The following GRM5 variants were observed in gnomAD, a reference collection of about 807,000 sequenced individuals.
The protein encoded by GRM5 is metabotropic glutamate receptor 5.
In GRM5, 19 loss-of-function variants were observed where a neutral mutation model predicts 83.1. The observed-to-expected ratio is 0.23, with a 90% CI of 0.16 to 0.34. GRM5 has a LOEUF of 0.34. Among genes scored for constraint, GRM5 ranks in the 10% least tolerant of loss-of-function variants. The pLI is 1.00. For missense variants in GRM5, 1,160 were observed against 1,588.3 expected, an observed-to-expected ratio of 0.73 and a Z score of 4.58; for synonymous variants, 675 against 633.6, an observed-to-expected ratio of 1.07 and a Z score of -0.98.
intron 2 of GRM5, among the ~76,000 whole-genome samples, chr11:89,037,695 A>G (rs1306254640): frequency 6.6e-6 from 1 of 152,124 alleles, no homozygotes; most frequent in African/African-American, 2.4e-5. Context: ...ATTTCCTACC[A>G]TGGGTGCCTT....
rs113083775 is a variant in GRM5 at position 88,548,102 on chromosome 11, C to T, written c.2630+18951G>A. Among the ~76,000 whole-genome samples, 340 of 152,242 alleles carry T rather than the reference C, an allele frequency of 2.2e-3. 4 individuals carry two copies. The highest frequency in any genetic ancestry group is 7.8e-3 in the African/African-American group (324 of 41,544). ...CCAAAGGGCTAGAGAAAAGGATATT[C>T]CTATCTTTTTCTTGTTTAATTTCTT... On this transcript the variant is annotated intron_variant, in intron 8 of 9. Coordinates refer to ENST00000305447, the MANE Select transcript of GRM5 (RefSeq NM_001143831.3).
intron 9 of GRM5, among the ~76,000 whole-genome samples, chr11:88,514,117 C>T (rs754218729): frequency 6.6e-6 from 1 of 152,106 alleles, no homozygotes; most frequent in African/African-American, 2.4e-5. Flanking sequence ...TCTGCCACAT[C>T]TGAGGAGGGG....
intron 5 of GRM5, among the ~76,000 whole-genome samples, chr11:88,603,542 G>A (rs971179735): frequency 2.0e-5 from 3 of 151,990 alleles, no homozygotes; most frequent in African/African-American, 4.8e-5. Context: ...ATGGATATAC[G>A]TAAGAGCCAA....
chr11:88,660,590 G>C (rs1251573692), intron 3 of GRM5, among the ~76,000 whole-genome samples: 2 of 152,146 alleles, frequency 1.3e-5, no homozygotes, highest in Non-Finnish European at 2.9e-5. Flanking sequence ...CTAGAAGTTA[G>C]TGGTCATTAA....
chr11:88,805,884 T>C (rs1473090057), intron 3 of GRM5, among the ~76,000 whole-genome samples: 1 of 152,320 alleles, frequency 6.6e-6, no homozygotes, highest in Non-Finnish European at 1.5e-5. Context: ...CTTTATTTTT[T>C]TCCTTGACAC....
intron 2 of GRM5, among the ~76,000 whole-genome samples, chr11:88,870,229 C>A (rs1034525095): frequency 6.6e-6 from 1 of 151,404 alleles, no homozygotes; most frequent in Non-Finnish European, 1.5e-5. Flanking sequence ...TGGGAGAAAG[C>A]ACTAAAATAA....
intron 3 of GRM5, among the ~76,000 whole-genome samples, chr11:88,687,065 G>A (rs1235954455): frequency 2.0e-5 from 3 of 151,942 alleles, no homozygotes; most frequent in Admixed American, 6.6e-5. Flanking sequence ...TATTCATTTG[G>A]CTATTTCCTC....
At chr11:88,951,353 TTGGGA>T (rs1938455963) in intron 2 of GRM5, among the ~76,000 whole-genome samples, 1 of 152,156 alleles carries the variant, frequency 6.6e-6, no homozygotes, top group Admixed American at 6.5e-5. Flanking sequence ...AAATTAGATT[TTGGGA>T]GATATGAGAA....
At chr11:88,626,625 T>C (rs935000322) in intron 4 of GRM5, among the ~76,000 whole-genome samples, 3 of 152,302 alleles carry the variant, frequency 2.0e-5, no homozygotes, top group South Asian at 2.1e-4. Context: ...CCAGAGACTG[T>C]GTGTTATGGA....
chr11:88,649,180 TTA>T (rs1414806172), intron 4 of GRM5, among the ~76,000 whole-genome samples: 7 of 138,984 alleles, frequency 5.0e-5, no homozygotes, highest in Admixed American at 7.6e-5. Context: ...TATGTATATA[TTA>T]TATATGTTAT....
chr11:88,773,565 T>C (rs1437348004), intron 3 of GRM5, among the ~76,000 whole-genome samples: 1 of 152,210 alleles, frequency 6.6e-6, no homozygotes, highest in Non-Finnish European at 1.5e-5. Context: ...GGTTTTCTTC[T>C]AGGGTTTTTA....
chr11:88,534,553 C>A (rs1942091570), intron 8 of GRM5, among the ~76,000 whole-genome samples: 1 of 152,186 alleles, frequency 6.6e-6, no homozygotes. Context: ...CCCGTTGTAT[C>A]TAGGAAGTAA....
At chr11:88,980,544 C>A (rs7929027) in intron 2 of GRM5, among the ~76,000 whole-genome samples, 2,421 of 152,110 alleles carry the variant, frequency 0.016, 66 homozygotes, top group African/African-American at 0.055. Context: ...ATAACCTGGC[C>A]GGGTGCGGTG....
chr11:88,956,663 G>A (rs1159064797), intron 2 of GRM5, among the ~76,000 whole-genome samples: 5 of 152,138 alleles, frequency 3.3e-5, no homozygotes, highest in East Asian at 1.9e-4. Context: ...AAAATTAGCC[G>A]GGCGCGGTGG....
At chr11:88,600,105 G>C (rs1179060843) in intron 5 of GRM5, among the ~76,000 whole-genome samples, 1 of 152,168 alleles carries the variant, frequency 6.6e-6, no homozygotes. Context: ...AGTGTCAGAA[G>C]CAAAGATTAG....
At chr11:88,906,776 T>A (rs1945410846) in intron 2 of GRM5, among the ~76,000 whole-genome samples, 1 of 152,292 alleles carries the variant, frequency 6.6e-6, no homozygotes, top group Admixed American at 6.5e-5. Flanking sequence ...ATTCATCTGC[T>A]AAAAATTGAG....
intron 3 of GRM5, among the ~76,000 whole-genome samples, chr11:88,677,828 T>C (rs970630263): frequency 2.0e-5 from 3 of 152,144 alleles, no homozygotes; most frequent in African/African-American, 7.2e-5. Context: ...GAAAGAGACA[T>C]CTTATTGAAT....
intron 2 of GRM5, among the ~76,000 whole-genome samples, chr11:88,879,116 G>T (rs917574555): frequency 6.6e-6 from 1 of 151,972 alleles, no homozygotes; most frequent in Non-Finnish European, 1.5e-5. Flanking sequence ...TATGGAAATT[G>T]TAAATAAAAT....
chr11:88,728,869 G>A (rs571397569), intron 3 of GRM5, among the ~76,000 whole-genome samples: 48 of 151,982 alleles, frequency 3.2e-4, no homozygotes, highest in Non-Finnish European at 6.3e-4. Context: ...TTGATGGAAC[G>A]TATCTCAAAA....
Sources: allele counts gnomAD v4.1 joint callset (sites outside exome capture counted in the v4.1 genomes callset), GRCh38; gene constraint gnomAD v4.1.1; transcripts MANE v1.5; gene names NCBI Gene and HGNC (gene_info 2026-07-23, HGNC 2026-07-21).